SUMF2: variants seen among roughly 807,000 people sequenced by gnomAD.
The protein encoded by SUMF2 is inactive C-alpha-formylglycine-generating enzyme 2.
In SUMF2, 45 loss-of-function variants were observed where a neutral mutation model predicts 44.8. The observed-to-expected ratio is 1.00, with a 90% CI of 0.79 to 1.29. The LOEUF (loss-of-function observed/expected upper bound fraction) is 1.29, where lower values mean the gene tolerates loss of function less well. SUMF2 is among the 50% of genes most tolerant of loss of function. The probability of loss-of-function intolerance (pLI) is 0.00; values close to 1 mark genes in which losing one functional copy is unlikely to be tolerated. For missense variants in SUMF2, 418 were observed against 389.9 expected (o/e 1.07, Z -0.61); for synonymous variants, 148 against 150.4 (o/e 0.98, Z 0.12).
chr7:56,068,895 T>C (rs1794990477), intron 2 of SUMF2, among the ~76,000 whole-genome samples: 1 of 151,562 alleles, frequency 6.6e-6, no homozygotes, highest in Admixed American at 6.6e-5. Context: ...ATTTTTTTAG[T>C]AGAGACGGGG....
At chr7:56,069,726 C>G (rs1055588206) in intron 2 of SUMF2, among the ~76,000 whole-genome samples, 1 of 151,826 alleles carries the variant, frequency 6.6e-6, no homozygotes, top group Admixed American at 6.6e-5. Flanking sequence ...ACTACAGGTG[C>G]GCACTATCAC....
chr7:56,080,923 G>C, downstream of SUMF2: 2 of 1,093,984 alleles, frequency 1.8e-6, no homozygotes, highest in Non-Finnish European at 2.6e-6. Context: ...CGTGGCCTCA[G>C]TTCCAGGGGT....
chr7:56,079,447 C>T (rs913840640), intron 8 of SUMF2, 81 bp from the exon 9 acceptor site: 13 of 1,392,782 alleles, frequency 9.3e-6, no homozygotes, highest in East Asian at 2.3e-5. Flanking sequence ...GCCGGCCCTG[C>T]GGATGAGGCA....
chr7:56,081,748 C>T (rs756979048), downstream of SUMF2: 19 of 1,613,332 alleles, frequency 1.2e-5, no homozygotes, highest in Admixed American at 3.3e-5. The surrounding 1 kb of genome is among the most constrained non-coding windows in gnomAD (Gnocchi z 4.6). Context: ...CACCAGGAAT[C>T]GGGAGACCTG....
downstream of SUMF2, chr7:56,082,291 C>G (rs1390452766): frequency 2.6e-6 from 4 of 1,528,762 alleles, no homozygotes. Context: ...GTCAGCAGGG[C>G]ACTCAGAAGA....
chr7:56,071,303 G>A (rs768923331), intron 2 of SUMF2, among the ~76,000 whole-genome samples: 3 of 152,152 alleles, frequency 2.0e-5, no homozygotes, highest in Non-Finnish European at 4.4e-5. Context: ...GCTGCAGTGA[G>A]CTGTGATTAT....
chr7:56,074,762 C>T, intron 5 of SUMF2, 26 bp downstream of exon 5: 1 of 1,613,482 alleles, frequency 6.2e-7, no homozygotes, highest in Non-Finnish European at 8.5e-7. Context: ...GGCGATTTTC[C>T]TTTATTCTTC....
downstream of SUMF2, chr7:56,081,437 C>G (rs550459148): frequency 2.3e-6 from 3 of 1,291,900 alleles, no homozygotes; most frequent in East Asian, 7.3e-5. This position sits in a 1 kb window ranked among gnomAD's most constrained non-coding sequence, Gnocchi z 4.6. Context: ...TCCCCCACTT[C>G]CCACTTGGCC....
the SUMF2 span, among the ~76,000 whole-genome samples, chr7:56,087,194 T>TTATTA: frequency 7.3e-6 from 1 of 136,086 alleles, no homozygotes; most frequent in East Asian, 2.2e-4. Context: ...GCCCAGGGAC[T>TTATTA]TTATTATTAT....
chr7:56,079,669 A>C lies in SUMF2; in HGVS notation c.*57A>C. The C allele has an allele frequency of 6.2e-7, 1 of 1,614,106 alleles. No individual in the cohort carries two copies. The highest frequency in any genetic ancestry group is 8.5e-7 in the Non-Finnish European group (1 of 1,179,996). On this transcript the variant is annotated 3_prime_UTR_variant, in exon 9 of 9. Coordinates refer to ENST00000434526, the MANE Select transcript of SUMF2 (RefSeq NM_015411.4). ...CTAGGGTCACTGTCATTCCCTGGCC[A>C]TGTTGCAAACAGCGCAATTCCAAGC...
Position 56,068,603 on chromosome 7 carries a change from C to T in SUMF2, c.189C>T (p.Ala63=). 1 of 1,613,796 alleles carries T rather than the reference C, an allele frequency of 6.2e-7. No individual in the cohort carries two copies. The highest frequency in any genetic ancestry group is 8.5e-7 in the Non-Finnish European group (1 of 1,179,888). The part of the protein sequence containing the change: ...PVREATVKPF[A]IDIFPVTNKD... ...GGGAGGCGACAGTGAAACCCTTTGC[C>T]ATCGACATATTTCCTGTCACCAACA... Residue 63 remains alanine, a synonymous_variant, in exon 2 of 9, where the codon GCC becomes GCT. Transcript: ENST00000434526.
At chr7:56,066,722 G>A (rs1300476990) in intron 1 of SUMF2, among the ~76,000 whole-genome samples, 1 of 152,236 alleles carries the variant, frequency 6.6e-6, no homozygotes, top group East Asian at 1.9e-4. Context: ...CCGGGTGCAA[G>A]CGATTCTCCT....
chr7:56,071,470 C>CA, intron 2 of SUMF2, among the ~76,000 whole-genome samples: 1 of 150,112 alleles, frequency 6.7e-6, no homozygotes. Context: ...GCCTGGGTGA[C>CA]AGAGTGAGAC....
At chr7:56,065,988 G>A (rs1208271648) in intron 1 of SUMF2, among the ~76,000 whole-genome samples, 2 of 150,982 alleles carry the variant, frequency 1.3e-5, no homozygotes, top group Admixed American at 6.6e-5. Flanking sequence ...GGCTGAGGCG[G>A]GAGAATCGCT....
At chr7:56,086,042 A>G in the SUMF2 span, among the ~76,000 whole-genome samples, 1 of 150,268 alleles carries the variant, frequency 6.7e-6, no homozygotes, top group Non-Finnish European at 1.5e-5. Context: ...ACTCCTTACT[A>G]TGGCTAAAAT....
Position 56,079,894 on chromosome 7 carries a change from C to G in SUMF2, c.*282C>G, listed in dbSNP as rs370390550. The G allele has an allele frequency of 3.9e-6, 6 of 1,519,814 alleles. No homozygotes were observed. Among genetic ancestry groups the G allele is most frequent in the Non-Finnish European group, 4.4e-6 (5 of 1,128,716 alleles). The allele number at this position is 1,519,814 out of a possible 1,614,324, so 94.1% of individuals were successfully genotyped here. ...TGACACAGGATTGCAAACACACAAA[C>G]AATTGGAACAGAGCACTCTGAAAGG... On this transcript the variant is annotated 3_prime_UTR_variant, in exon 9 of 9. Coordinates refer to ENST00000434526, the MANE Select transcript of SUMF2 (RefSeq NM_015411.4).
At chr7:56,082,596 A>G (rs67818657), downstream of SUMF2, among the ~76,000 whole-genome samples, 28,337 of 151,758 alleles carry the variant, frequency 0.19, 2,839 homozygotes, top group African/African-American at 0.24. Flanking sequence ...TGTTTCAAAA[A>G]AAAAAGAGAG....
downstream of SUMF2, chr7:56,083,230 G>A: frequency 6.3e-7 from 1 of 1,576,944 alleles, no homozygotes; most frequent in South Asian, 1.1e-5. Context: ...GCAGATGGTT[G>A]ATTGAGCACC....
intron 4 of SUMF2, 139 bp from the exon 5 acceptor site, chr7:56,074,447 C>T: frequency 7.5e-6 from 9 of 1,192,614 alleles, no homozygotes; most frequent in Non-Finnish European, 1.1e-5. Flanking sequence ...CTGACTCCGA[C>T]CACTGGTCAC....
Sources: gnomAD v4.1 joint callset for allele counts (sites outside exome capture counted in the v4.1 genomes callset) on GRCh38, gnomAD v4.1.1 for gene constraint, Gnocchi (gnomAD v3.1) non-coding constraint, MANE v1.5 for transcripts, NCBI Gene and HGNC (gene_info 2026-07-23, HGNC 2026-07-21) for gene names.